The following LDB2 variants were observed in gnomAD, a reference collection of about 807,000 sequenced individuals.
The protein encoded by LDB2 is LIM domain-binding protein 2.
LDB2 carries 12 observed loss-of-function variants against 44.3 expected under a neutral mutation model. The ratio of observed to expected loss-of-function variants is 0.27; its 90% CI spans 0.17 to 0.44. The LOEUF (loss-of-function observed/expected upper bound fraction) is 0.44, where lower values mean the gene tolerates loss of function less well. LDB2 is among the 20% of genes least tolerant of loss of function. LDB2 has a pLI of 1.00. For missense variants in LDB2, 344 were observed against 473.5 expected, an observed-to-expected ratio of 0.73 and a Z score of 2.54; for synonymous variants, 164 against 174.8, an observed-to-expected ratio of 0.94 and a Z score of 0.49.
intron 5 of LDB2, among the ~76,000 whole-genome samples, chr4:16,521,818 C>T (rs191429723): frequency 6.6e-6 from 1 of 152,300 alleles, no homozygotes; most frequent in African/African-American, 2.4e-5. Context: ...TAAATTTCCT[C>T]TATTAAATTA....
chr4:16,762,431 G>C (rs1350648736), intron 1 of LDB2, among the ~76,000 whole-genome samples: 2 of 152,172 alleles, frequency 1.3e-5, no homozygotes, highest in East Asian at 3.9e-4. Context: ...CCAAGACTGG[G>C]TAATTTATAA....
At chr4:16,893,394 T>A (rs1723973213) in intron 1 of LDB2, among the ~76,000 whole-genome samples, 1 of 152,266 alleles carries the variant, frequency 6.6e-6, no homozygotes, top group African/African-American at 2.4e-5. Context: ...TTAACTAGAT[T>A]CCATCTGAAC....
intron 2 of LDB2, among the ~76,000 whole-genome samples, chr4:16,701,556 C>T (rs1753436763): frequency 6.6e-6 from 1 of 152,160 alleles, no homozygotes; most frequent in East Asian, 1.9e-4. Context: ...GTGATCGTAA[C>T]CCGCATTCTT....
chr4:16,506,030 C>T (rs1281847668), intron 7 of LDB2: 8 of 1,537,764 alleles, frequency 5.2e-6, no homozygotes, highest in African/African-American at 4.1e-5. Context: ...CCCTAGCCCT[C>T]GCCAGACACA....
At chr4:16,517,423 A>T (rs930561987) in intron 5 of LDB2, among the ~76,000 whole-genome samples, 4 of 152,212 alleles carry the variant, frequency 2.6e-5, no homozygotes, top group African/African-American at 9.6e-5. Flanking sequence ...GTTGAAAAAA[A>T]CTAATCTGCA....
intron 2 of LDB2, among the ~76,000 whole-genome samples, chr4:16,618,880 C>T (rs189530936): frequency 3.3e-5 from 5 of 152,234 alleles, no homozygotes; most frequent in African/African-American, 7.2e-5. Flanking sequence ...TCAGTTCTCA[C>T]GAGAGATCTG....
intron 2 of LDB2, among the ~76,000 whole-genome samples, chr4:16,638,726 T>C (rs1395362688): frequency 6.6e-6 from 1 of 152,238 alleles, no homozygotes; most frequent in East Asian, 1.9e-4. Flanking sequence ...TGCCAAGCAC[T>C]GTGCTGGGTA....
chr4:16,522,692 T>C (rs1726694087), intron 5 of LDB2, among the ~76,000 whole-genome samples: 1 of 152,160 alleles, frequency 6.6e-6, no homozygotes, highest in South Asian at 2.1e-4. Context: ...GAAAATTAGA[T>C]TTTGATGATA....
At chr4:16,641,964 G>T (rs1413756316) in intron 2 of LDB2, among the ~76,000 whole-genome samples, 3 of 151,918 alleles carry the variant, frequency 2.0e-5, no homozygotes, top group Non-Finnish European at 4.4e-5. Context: ...TGGGGGAGGG[G>T]GCATGACTTA....
chr4:16,717,718 G>C (rs1159837775), intron 2 of LDB2, among the ~76,000 whole-genome samples: 1 of 152,034 alleles, frequency 6.6e-6, no homozygotes, highest in African/African-American at 2.4e-5. Flanking sequence ...CCTCCCCTTG[G>C]CTGGACTGAT....
At position 16,775,667 on chromosome 4, in the gene LDB2, C is replaced by T. The variant is rs141119177; in HGVS notation, c.133-16407G>A. 9.9e-4 allele frequency among the ~76,000 whole-genome samples: 150 copies of T among 152,280 alleles called. 1 individual carries two copies. Among genetic ancestry groups the T allele is most frequent in the Middle Eastern group, 3.4e-3 (1 of 294 alleles). On this transcript the variant is annotated intron_variant, in intron 1 of 7. Coordinates refer to ENST00000304523, the MANE Select transcript of LDB2 (RefSeq NM_001290.5). Reference sequence around the variant, plus strand: ...GTCCTGACACACAGTTGACAAAGCACGGACACTCACAGTATCAGTGCCTCT... The same window carrying T: ...GTCCTGACACACAGTTGACAAAGCATGGACACTCACAGTATCAGTGCCTCT...
At chr4:16,741,619 A>T (rs916579893) in intron 2 of LDB2, 1 of 152,226 alleles carries the variant, frequency 6.6e-6, no homozygotes, top group African/African-American at 2.4e-5. Context: ...CTGTCAGCTC[A>T]ACAGATATAT....
chr4:16,832,909 C>A (rs576657617), intron 1 of LDB2, among the ~76,000 whole-genome samples: 2 of 152,264 alleles, frequency 1.3e-5, no homozygotes, highest in African/African-American at 4.8e-5. Flanking sequence ...TTTGAAAAAT[C>A]CTATAAATTG....
intron 1 of LDB2, among the ~76,000 whole-genome samples, chr4:16,880,932 C>CA (rs1719909420): frequency 6.7e-6 from 1 of 148,892 alleles, no homozygotes; most frequent in Admixed American, 6.7e-5. Context: ...AGCACACACA[C>CA]AAAGAGGAGC....
intron 1 of LDB2, among the ~76,000 whole-genome samples, chr4:16,800,753 C>T (rs1251656589): frequency 2.6e-5 from 4 of 152,222 alleles, no homozygotes; most frequent in African/African-American, 4.8e-5. Context: ...CGGCTCACTG[C>T]CAGCTCCGCC....
At chr4:16,621,884 TG>T (rs1728985796) in intron 2 of LDB2, among the ~76,000 whole-genome samples, 1 of 152,170 alleles carries the variant, frequency 6.6e-6, no homozygotes, top group South Asian at 2.1e-4. Context: ...AGAAAGAGGT[TG>T]TCAAAAATAA....
intron 1 of LDB2, among the ~76,000 whole-genome samples, chr4:16,841,243 C>T (rs1040217239): frequency 6.8e-6 from 1 of 147,856 alleles, no homozygotes; most frequent in Admixed American, 6.7e-5. Context: ...ACCTGAATTT[C>T]CAGGAAAAGC....
intron 2 of LDB2, among the ~76,000 whole-genome samples, chr4:16,607,598 C>A (rs1366002261): frequency 6.6e-6 from 1 of 152,044 alleles, no homozygotes; most frequent in African/African-American, 2.4e-5. Flanking sequence ...ACACTATGCA[C>A]GTGAAGTGCT....
At chr4:16,892,524 T>A (rs1580545561) in intron 1 of LDB2, among the ~76,000 whole-genome samples, 1 of 152,342 alleles carries the variant, frequency 6.6e-6, no homozygotes, top group East Asian at 1.9e-4. Flanking sequence ...TTTTTTTAAA[T>A]GCTATGTTCT....
Sources: allele counts gnomAD v4.1 joint callset (sites outside exome capture counted in the v4.1 genomes callset), GRCh38; gene constraint gnomAD v4.1.1; transcripts MANE v1.5; gene names NCBI Gene and HGNC (gene_info 2026-07-23, HGNC 2026-07-21).